NRCAM: variants seen among roughly 807,000 people sequenced by gnomAD.
NRCAM encodes the protein neuronal cell adhesion molecule, also known as NgCAM-related cell adhesion molecule.
In NRCAM, 83 loss-of-function variants were observed where a neutral mutation model predicts 156.5. The ratio of observed to expected loss-of-function variants is 0.53; its 90% CI spans 0.44 to 0.64. The LOEUF (loss-of-function observed/expected upper bound fraction) is 0.64. Ranked by LOEUF, NRCAM falls within the 30% of genes least tolerant of loss-of-function variation. The pLI, the probability that NRCAM is intolerant of heterozygous loss-of-function variation, is 0.00. For synonymous variants in NRCAM, 538 were observed against 563.9 expected, an observed-to-expected ratio of 0.95 and a Z score of 0.65; for missense variants, 1,417 against 1,597.3, an observed-to-expected ratio of 0.89 and a Z score of 1.92.
intron 3 of NRCAM, among the ~76,000 whole-genome samples, chr7:108,254,551 CTT>C (rs71137620): frequency 5.4e-5 from 7 of 130,270 alleles, no homozygotes; most frequent in Non-Finnish European, 6.4e-5. Context: ...AACAATTTTG[CTT>C]TTTTTTTTTT....
At chr7:108,171,505 C>A (rs772823411) in intron 28 of NRCAM, among the ~76,000 whole-genome samples, 2 of 152,066 alleles carry the variant, frequency 1.3e-5, no homozygotes, top group Non-Finnish European at 2.9e-5. Context: ...GTGCTTATGA[C>A]CCCTACCAAG....
intron 32 of NRCAM, among the ~76,000 whole-genome samples, chr7:108,150,999 G>A (rs1047154249): frequency 4.6e-5 from 7 of 152,098 alleles, no homozygotes; most frequent in African/African-American, 1.7e-4. Context: ...TTCCTTGTGT[G>A]TTATGCAGCC....
At chr7:108,234,133 G>A (rs1193720936) in intron 6 of NRCAM, among the ~76,000 whole-genome samples, 4 of 152,170 alleles carry the variant, frequency 2.6e-5, no homozygotes, top group African/African-American at 9.7e-5. Context: ...CTTTATAGAT[G>A]AGGAAATTAA....
At chr7:108,443,675 C>T (rs1841119163) in intron 1 of NRCAM, among the ~76,000 whole-genome samples, 1 of 152,142 alleles carries the variant, frequency 6.6e-6, no homozygotes, top group Non-Finnish European at 1.5e-5. Context: ...AAAATTTACA[C>T]TTGATGGAGG....
chr7:108,391,616 T>C (rs1228235907), intron 2 of NRCAM, among the ~76,000 whole-genome samples: 1 of 152,132 alleles, frequency 6.6e-6, no homozygotes, highest in Non-Finnish European at 1.5e-5. Context: ...ATCCTGTCAT[T>C]ATGATGTTAG....
In NRCAM at chr7:108,148,871, T is replaced by C. The variant is rs1358735461; in HGVS notation, c.*1039A>G. ...GCTTCAGTTGGCAACAAAGATTTTC[T>C]TTTTATGCTTATGAGGAAATGCTAT... is the stretch of plus-strand genomic sequence containing the variant. On this transcript the variant is annotated 3_prime_UTR_variant, in exon 33 of 33. Coordinates refer to ENST00000379028, the MANE Select transcript of NRCAM (RefSeq NM_001037132.4). 1 of 152,604 alleles carries C rather than the reference T, an allele frequency of 6.6e-6. No homozygotes were observed. The highest frequency in any genetic ancestry group is 1.5e-5 in the Non-Finnish European group (1 of 68,040). 9.5% of individuals were successfully genotyped at this position (152,604 alleles called of 1,614,324 possible). A position where few individuals can be genotyped will look rare whatever the true frequency, so the allele number is the denominator to read the frequency against.
At chr7:108,311,705 G>A (rs894050739) in intron 3 of NRCAM, among the ~76,000 whole-genome samples, 22 of 152,194 alleles carry the variant, frequency 1.4e-4, no homozygotes, top group Non-Finnish European at 2.8e-4. Flanking sequence ...CACAATGGAA[G>A]CAAATTCAGC....
intron 2 of NRCAM, among the ~76,000 whole-genome samples, chr7:108,339,881 C>G (rs1248869460): frequency 1.4e-5 from 2 of 147,066 alleles, no homozygotes; most frequent in African/African-American, 2.5e-5. Flanking sequence ...CCCTCAGACT[C>G]TAAGAAAGAA....
intron 1 of NRCAM, among the ~76,000 whole-genome samples, chr7:108,420,149 G>A (rs1807474894): frequency 6.6e-6 from 1 of 151,998 alleles, no homozygotes; most frequent in African/African-American, 2.4e-5. Context: ...AGGAATCTGG[G>A]AAAGAAAACA....
At chr7:108,316,636 T>G (rs1016485569) in intron 2 of NRCAM, among the ~76,000 whole-genome samples, 2 of 151,594 alleles carry the variant, frequency 1.3e-5, no homozygotes, top group African/African-American at 4.8e-5. Context: ...TACAAAAAAA[T>G]TAGCTGGGTG....
At position 108,149,800 on chromosome 7, in the gene NRCAM, C is replaced by G; in HGVS notation, c.*110G>C. 1.2e-6 allele frequency: 1 copy of G among 838,594 alleles called. No homozygotes were observed. The highest frequency in any genetic ancestry group is 1.9e-6 in the Non-Finnish European group (1 of 520,972). 51.9% of individuals were successfully genotyped at this position (838,594 alleles called of 1,614,324 possible). A position where few individuals can be genotyped will look rare whatever the true frequency, so the allele number is the denominator to read the frequency against. ...TAACTATTCTCATAATACTAACATA[C>G]AGCAGAAAATATACTCTCTACCCAT... On this transcript the variant is annotated 3_prime_UTR_variant, in exon 33 of 33. Coordinates refer to ENST00000379028, the MANE Select transcript of NRCAM (RefSeq NM_001037132.4).
intron 20 of NRCAM, 40 bp from the exon 21 acceptor site, chr7:108,184,654 T>C: frequency 6.3e-7 from 1 of 1,582,966 alleles, no homozygotes; most frequent in Non-Finnish European, 8.6e-7. Context: ...AGACCGTGAA[T>C]TCAGTCAACT....
intron 1 of NRCAM, among the ~76,000 whole-genome samples, chr7:108,428,017 A>C (rs1819617098): frequency 6.6e-6 from 1 of 152,228 alleles, no homozygotes; most frequent in African/African-American, 2.4e-5. Context: ...TATAATAAAA[A>C]GGGGTCATGG....
rs546578915 is a variant in NRCAM, at chr7:108,156,420, T to C, written c.3677+3043A>G. The C allele has an allele frequency of 1.6e-5, 16 of 984,320 alleles. No individual in the cohort carries two copies. In the East Asian group the frequency reaches 1.0e-3, roughly 63 times the overall value. The allele number at this position is 984,320 out of a possible 1,614,324, so 61.0% of individuals were successfully genotyped here. A position where few individuals can be genotyped will look rare whatever the true frequency, so the allele number is the denominator to read the frequency against. ...TTGCATTGTTTCTCTGATTTTTCTA[T>C]ATGCTAGTAAGGATGCAGATCCTAC... On this transcript the variant is annotated intron_variant, in intron 32 of 32. Transcript: ENST00000379028.
At position 108,399,460 on chromosome 7, in the gene NRCAM, C is replaced by T. The variant is rs929490251; in HGVS notation, c.-198G>A. 5 of 152,180 alleles carry T rather than the reference C, an allele frequency of 3.3e-5. No homozygotes were observed. The highest frequency in any genetic ancestry group is 1.2e-4 in the African/African-American group (5 of 41,448). The allele number at this position is 152,180 out of a possible 1,614,324, so 9.4% of individuals were successfully genotyped here. A position where few individuals can be genotyped will look rare whatever the true frequency, so the allele number is the denominator to read the frequency against. Reference sequence around the variant, plus strand: ...CCTTCAGAAGGTCCACTGGGCTAGACACCTCCCAAATGTTTTTCTGATTTC... The same window carrying T: ...CCTTCAGAAGGTCCACTGGGCTAGATACCTCCCAAATGTTTTTCTGATTTC... On this transcript the variant is annotated 5_prime_UTR_variant, in exon 2 of 33. Coordinates refer to ENST00000379028, the MANE Select transcript of NRCAM (RefSeq NM_001037132.4).
chr7:108,218,746 C>A (rs1345331551), intron 11 of NRCAM, among the ~76,000 whole-genome samples: 1 of 152,124 alleles, frequency 6.6e-6, no homozygotes, highest in Admixed American at 6.5e-5. Context: ...TAAACGCCTA[C>A]ATCGAAAAGA....
chr7:108,155,010 C>T (rs1310127161), intron 32 of NRCAM, among the ~76,000 whole-genome samples: 1 of 148,228 alleles, frequency 6.7e-6, no homozygotes, highest in Non-Finnish European at 1.5e-5. Context: ...AGTGAAGTTG[C>T]CATGTCAAGT....
intron 3 of NRCAM, among the ~76,000 whole-genome samples, chr7:108,294,392 C>T (rs2154130402): frequency 6.6e-6 from 1 of 152,096 alleles, no homozygotes; most frequent in South Asian, 2.1e-4. Context: ...CTCTTTCTCC[C>T]TGTTGCAGTT....
chr7:108,446,178 G>T (rs1031975431), intron 1 of NRCAM, among the ~76,000 whole-genome samples: 1 of 152,180 alleles, frequency 6.6e-6, no homozygotes, highest in Non-Finnish European at 1.5e-5. Flanking sequence ...GGGGTCACAA[G>T]GATGTCATTT....
Sources: gnomAD v4.1 joint callset for allele counts (sites outside exome capture counted in the v4.1 genomes callset) on GRCh38, gnomAD v4.1.1 for gene constraint, MANE v1.5 for transcripts, NCBI Gene and HGNC (gene_info 2026-07-23, HGNC 2026-07-21) for gene names.